The following PCDHGA3 variants were observed in gnomAD, a reference collection of about 807,000 sequenced individuals.
PCDHGA3 encodes protocadherin gamma-A3.
PCDHGA3 carries 40 observed loss-of-function variants against 58.5 expected under a neutral mutation model. That is an observed-to-expected ratio of 0.68 (90% CI 0.53 to 0.89). The LOEUF (loss-of-function observed/expected upper bound fraction) is 0.89. Among genes scored for constraint, PCDHGA3 ranks in the 40% least tolerant of loss-of-function variants. The probability of loss-of-function intolerance (pLI) is 0.00; values close to 1 mark genes in which losing one functional copy is unlikely to be tolerated. For missense variants in PCDHGA3, 1,223 were observed against 1,195.9 expected, an observed-to-expected ratio of 1.02 and a Z score of -0.33; for synonymous variants, 530 against 525.7, an observed-to-expected ratio of 1.01 and a Z score of -0.11.
chr5:141,418,848 G>T (rs770294020), intron 1 of PCDHGA3: 1 of 1,613,954 alleles, frequency 6.2e-7, no homozygotes, highest in Non-Finnish European at 8.5e-7. Flanking sequence ...CTCTCAACAC[G>T]GTGTAAAGTA....
At position 141,350,326 on chromosome 5, in the gene PCDHGA3, G is replaced by T. The variant is rs369048621; in HGVS notation, c.2424+3869G>T. On this transcript the variant is annotated intron_variant, in intron 1 of 3. Transcript: ENST00000253812. ...TACTGTTTCCCTTCCTGCTGTCTTT[G>T]TTCTGCGGGGCCATCTCCCAGCAGA... 9 of 1,534,408 alleles carry T rather than the reference G, an allele frequency of 5.9e-6. No individual in the cohort carries two copies. Among genetic ancestry groups the T allele is most frequent in the African/African-American group, 1.4e-5 (1 of 72,254 alleles).
chr5:141,390,867 C>CGTGT (rs61319619), intron 1 of PCDHGA3: 7,865 of 151,126 alleles, frequency 0.052, 273 homozygotes, highest in African/African-American at 0.097. Context: ...GCTGTGTGTG[C>CGTGT]GTGTGTGTGT....
At chr5:141,510,315 G>A (rs2099880567) in intron 3 of PCDHGA3, among the ~76,000 whole-genome samples, 1 of 151,324 alleles carries the variant, frequency 6.6e-6, no homozygotes, top group African/African-American at 2.4e-5. Flanking sequence ...TGGAGGCTTG[G>A]AAGAGCACTC....
chr5:141,357,623 T>C, intron 1 of PCDHGA3: 2 of 1,613,680 alleles, frequency 1.2e-6, no homozygotes, highest in Non-Finnish European at 1.7e-6. Context: ...AATCTTCAGG[T>C]GAGTCAATCT....
Position 141,361,433 on chromosome 5 carries a change from C to T in PCDHGA3, c.2424+14976C>T, listed in dbSNP as rs370691572. ...ACCGACGGGGGCAAGCCGCCCCTCT[C>T]CTCCAGCATAATTGTCACCCTGCAC... On this transcript the variant is annotated intron_variant, in intron 1 of 3. Transcript: ENST00000253812. The T allele has an allele frequency of 8.7e-6, 14 of 1,613,952 alleles. 1 individual carries two copies. Among genetic ancestry groups the T allele is most frequent in the African/African-American group, 1.3e-5 (1 of 74,958 alleles).
At chr5:141,423,806 T>A in intron 1 of PCDHGA3, 1 of 1,251,576 alleles carries the variant, frequency 8.0e-7, no homozygotes, top group African/African-American at 1.6e-5. Flanking sequence ...GCAATACATG[T>A]GAGTTTTACT....
intron 1 of PCDHGA3, among the ~76,000 whole-genome samples, chr5:141,407,497 G>GTTTTTTTTTTTTTT (rs1554102286): frequency 6.6e-6 from 1 of 152,090 alleles, no homozygotes; most frequent in African/African-American, 2.4e-5. Context: ...CTTTATTTCT[G>GTTTTTTTTTTTTTT]TTTTTCTTAG....
intron 1 of PCDHGA3, chr5:141,355,975 A>C (rs1283437622): frequency 6.2e-7 from 1 of 1,613,828 alleles, no homozygotes; most frequent in Admixed American, 1.7e-5. Context: ...TCCTGTAGGC[A>C]CTCGGCTACT....
intron 1 of PCDHGA3, chr5:141,394,693 G>C: frequency 1.2e-6 from 2 of 1,613,006 alleles, no homozygotes; most frequent in Non-Finnish European, 1.7e-6. Context: ...GGCGAGGTGC[G>C]CACGGCGCGA....
chr5:141,353,742 T>C (rs1759373082), intron 1 of PCDHGA3, among the ~76,000 whole-genome samples: 1 of 150,890 alleles, frequency 6.6e-6, no homozygotes, highest in Non-Finnish European at 1.5e-5. Flanking sequence ...TAGTTAAATC[T>C]ATAAACATGT....
intron 1 of PCDHGA3, among the ~76,000 whole-genome samples, chr5:141,357,904 T>C (rs1760761041): frequency 6.6e-6 from 1 of 152,222 alleles, no homozygotes; most frequent in Non-Finnish European, 1.5e-5. Flanking sequence ...AATTTCCTTT[T>C]CTGTGCTGGG....
chr5:141,420,308 T>C (rs1486910909), intron 1 of PCDHGA3: 3 of 1,457,838 alleles, frequency 2.1e-6, no homozygotes, highest in Non-Finnish European at 9.2e-7. Context: ...ATCCTTTTTA[T>C]ATTACAATAT....
At chr5:141,356,126 A>G in intron 1 of PCDHGA3, 1 of 1,613,926 alleles carries the variant, frequency 6.2e-7, no homozygotes, top group Non-Finnish European at 8.5e-7. Flanking sequence ...GGTCTAGATT[A>G]TGAGGACTCT....
Position 141,428,162 on chromosome 5 carries a change from G to A in PCDHGA3, c.2425-66645G>A, listed in dbSNP as rs75153946. The A allele has an allele frequency of 9.5e-4, 1,493 of 1,569,102 alleles. 9 individuals are homozygous for A. The African/African-American group carries it at 0.016, about 16-fold the overall frequency. On this transcript the variant is annotated intron_variant, in intron 1 of 3. Coordinates refer to ENST00000253812, the MANE Select transcript of PCDHGA3 (RefSeq NM_018916.4). ...GGCTGCACACGGGAACCTGCTGGTT[G>A]CTGTGCGTGACGGAGGACAGCCGCC...
At position 141,388,041 on chromosome 5, in the gene PCDHGA3, G is replaced by C. The variant is rs2091214564; in HGVS notation, c.2424+41584G>C. The C allele has an allele frequency of 2.1e-6, 3 of 1,416,086 alleles. No homozygotes were observed. The African/African-American group carries it at 4.3e-5, about 20-fold the overall frequency. The allele number at this position is 1,416,086 out of a possible 1,614,324, so 87.7% of individuals were successfully genotyped here. ...CTCCGTAGTGGGGAACCTCGCCACG[G>C]ACCTGGGGTTCAGCGTCCAGGAGTT... On this transcript the variant is annotated intron_variant, in intron 1 of 3. Transcript: ENST00000253812.
intron 1 of PCDHGA3, among the ~76,000 whole-genome samples, chr5:141,447,162 G>A (rs1213550616): frequency 6.6e-6 from 1 of 151,700 alleles, no homozygotes; most frequent in African/African-American, 2.4e-5. Flanking sequence ...TTGTTTAAGC[G>A]GGGTCTTGCT....
chr5:141,388,708 C>A lies in PCDHGA3; in HGVS notation c.2424+42251C>A, dbSNP rs764003797. On this transcript the variant is annotated intron_variant, in intron 1 of 3. Transcript: ENST00000253812. ...ACGGACCAGGATGAGGGTGTCAATG[C>A]CGAGATTACTTTCTCTTTCAGTGAA... 1.9e-6 allele frequency: 3 copies of A among 1,613,842 alleles called. No individual in the cohort carries two copies. The highest frequency in any genetic ancestry group is 2.5e-6 in the Non-Finnish European group (3 of 1,179,882).
At chr5:141,357,367 C>T (rs377276213) in intron 1 of PCDHGA3, 5 of 1,614,178 alleles carry the variant, frequency 3.1e-6, no homozygotes, top group Admixed American at 1.7e-5. Flanking sequence ...GCACAAGTCA[C>T]GCCTGCTTCA....
rs558504351 is a variant in PCDHGA3, at chr5:141,374,628, T to A, written c.2424+28171T>A. The A allele has an allele frequency of 2.5e-6, 4 of 1,613,272 alleles. No individual in the cohort carries two copies. The South Asian group carries it at 3.3e-5, about 13-fold the overall frequency. On this transcript the variant is annotated intron_variant, in intron 1 of 3. Coordinates refer to ENST00000253812, the MANE Select transcript of PCDHGA3 (RefSeq NM_018916.4). ...GGTAATAGTCACTTCTCAGTGGACG[T>A]GCAAAGCGAAGCCCATGGGCCCAAG...
Sources: allele counts gnomAD v4.1 joint callset (sites outside exome capture counted in the v4.1 genomes callset), GRCh38; gene constraint gnomAD v4.1.1; transcripts MANE v1.5; gene names NCBI Gene and HGNC (gene_info 2026-07-23, HGNC 2026-07-21).